CLSTN2: variants seen among roughly 807,000 people sequenced by gnomAD.
CLSTN2 encodes the protein calsyntenin 2.
CLSTN2 carries 48 observed loss-of-function variants against 101.2 expected under a neutral mutation model. That is an observed-to-expected ratio of 0.47 (90% CI 0.38 to 0.60). The LOEUF (loss-of-function observed/expected upper bound fraction) is 0.60. Ranked by LOEUF, CLSTN2 falls within the 20% of genes least tolerant of loss-of-function variation. The pLI, the probability that CLSTN2 is intolerant of heterozygous loss-of-function variation, is 0.00. For synonymous variants in CLSTN2, 481 were observed against 463.6 expected (o/e 1.04, Z -0.48); for missense variants, 1,160 against 1,238.2 (o/e 0.94, Z 0.95).
chr3:140,521,204 G>C (rs1403101237), intron 8 of CLSTN2, among the ~76,000 whole-genome samples: 1 of 152,130 alleles, frequency 6.6e-6, no homozygotes, highest in Non-Finnish European at 1.5e-5. Context: ...ATTTGGAGGA[G>C]AGGAGGCACT....
chr3:140,157,704 T>C (rs961790471), intron 1 of CLSTN2, among the ~76,000 whole-genome samples: 9 of 141,188 alleles, frequency 6.4e-5, no homozygotes, highest in Non-Finnish European at 1.1e-4. Flanking sequence ...CATTGATTGT[T>C]TGTATGGATT....
At chr3:140,085,598 G>C (rs549390473) in intron 1 of CLSTN2, among the ~76,000 whole-genome samples, 3 of 152,206 alleles carry the variant, frequency 2.0e-5, no homozygotes, top group African/African-American at 7.2e-5. Flanking sequence ...AACTAGTTGT[G>C]TATGGCTGGG....
intron 1 of CLSTN2, among the ~76,000 whole-genome samples, chr3:140,085,078 A>G (rs2008658539): frequency 6.6e-6 from 1 of 152,232 alleles, no homozygotes; most frequent in Non-Finnish European, 1.5e-5. Flanking sequence ...GGATTGTCAG[A>G]TATTTCGATT....
intron 2 of CLSTN2, among the ~76,000 whole-genome samples, chr3:140,402,734 C>G (rs1559859545): frequency 1.3e-5 from 2 of 152,202 alleles, no homozygotes; most frequent in Admixed American, 6.5e-5. Context: ...GTAGATGCCT[C>G]CCACCCCACC....
At chr3:140,237,163 A>G (rs1415174338) in intron 2 of CLSTN2, among the ~76,000 whole-genome samples, 1 of 152,136 alleles carries the variant, frequency 6.6e-6, no homozygotes, top group African/African-American at 2.4e-5. Flanking sequence ...ATGCACTTAA[A>G]TTATTTGGAA....
At chr3:140,024,983 A>G (rs2007388928) in intron 1 of CLSTN2, among the ~76,000 whole-genome samples, 2 of 152,248 alleles carry the variant, frequency 1.3e-5, no homozygotes, top group Admixed American at 6.5e-5. Context: ...TTTGAACTAG[A>G]CCAAGAATTT....
chr3:140,290,414 AGG>A (rs934070222), intron 2 of CLSTN2, among the ~76,000 whole-genome samples: 17 of 152,164 alleles, frequency 1.1e-4, no homozygotes, highest in Non-Finnish European at 2.5e-4. Flanking sequence ...AGCATTAGGA[AGG>A]GGTTCATTGA....
Position 140,209,439 on chromosome 3 carries a change from G to GTGCGAGATAGC in CLSTN2, c.232+33378_232+33388dup, listed in dbSNP as rs550527566. 1.6e-4 allele frequency among the ~76,000 whole-genome samples: 24 copies of GTGCGAGATAGC among 152,228 alleles called. No homozygotes were observed. In the East Asian group the frequency reaches 4.1e-3, roughly 26 times the overall value. ...TTTTTAAAAAATTTCCATTTCATTG[G>GTGCGAGATAGC]TGCGAGATAGCTGCGAGATAGCACT... On this transcript the variant is annotated intron_variant, in intron 2 of 16. Coordinates refer to ENST00000458420, the MANE Select transcript of CLSTN2 (RefSeq NM_022131.3).
At chr3:140,137,616 T>G (rs1280024990) in intron 1 of CLSTN2, among the ~76,000 whole-genome samples, 3 of 152,220 alleles carry the variant, frequency 2.0e-5, no homozygotes, top group Admixed American at 6.5e-5. Flanking sequence ...GAGATTTGAA[T>G]GTGTTTGGCA....
intron 1 of CLSTN2, among the ~76,000 whole-genome samples, chr3:140,144,473 G>T (rs140714308): frequency 6.6e-6 from 1 of 151,966 alleles, no homozygotes; most frequent in African/African-American, 2.4e-5. Context: ...AAAATTAGCC[G>T]GGCATGGTGG....
intron 1 of CLSTN2, among the ~76,000 whole-genome samples, chr3:140,134,486 C>A (rs2009569995): frequency 6.6e-6 from 1 of 152,110 alleles, no homozygotes; most frequent in African/African-American, 2.4e-5. Flanking sequence ...GCTCATAAGG[C>A]CCTCCAAGCA....
At chr3:140,018,283 TGATGCTTCTTTATATGA>T (rs755230068) in intron 1 of CLSTN2, among the ~76,000 whole-genome samples, 1 of 152,224 alleles carries the variant, frequency 6.6e-6, no homozygotes, top group Non-Finnish European at 1.5e-5. Flanking sequence ...AGTTGTAATG[TGATGCTTCTTTATATGA>T]GTGCTCAGGC....
At chr3:140,533,882 A>G (rs1349716553) in intron 9 of CLSTN2, among the ~76,000 whole-genome samples, 1 of 152,184 alleles carries the variant, frequency 6.6e-6, no homozygotes, top group Non-Finnish European at 1.5e-5. Context: ...CTAGAGATTC[A>G]AAACCCAGGA....
intron 1 of CLSTN2, among the ~76,000 whole-genome samples, chr3:140,085,247 A>C (rs1214591232): frequency 6.6e-6 from 1 of 152,244 alleles, no homozygotes; most frequent in Non-Finnish European, 1.5e-5. Context: ...TGCTGCACTG[A>C]AAGAAAGATG....
At chr3:140,563,021 G>A in intron 14 of CLSTN2, 59 bp from the exon 15 acceptor site, 2 of 1,611,730 alleles carry the variant, frequency 1.2e-6, no homozygotes, top group Non-Finnish European at 1.7e-6. Flanking sequence ...ATTCAGAAAT[G>A]CTGTAACTGG....
At chr3:140,119,387 A>G (rs2009301646) in intron 1 of CLSTN2, among the ~76,000 whole-genome samples, 1 of 152,244 alleles carries the variant, frequency 6.6e-6, no homozygotes, top group Admixed American at 6.5e-5. Flanking sequence ...GCTAAGATGT[A>G]CAGACAAGAC....
At chr3:140,368,596 C>T (rs936905633) in intron 2 of CLSTN2, among the ~76,000 whole-genome samples, 1 of 152,176 alleles carries the variant, frequency 6.6e-6, no homozygotes, top group African/African-American at 2.4e-5. Flanking sequence ...ACTCAAACCT[C>T]ACCATCATGA....
chr3:140,315,556 C>T (rs2087219985), intron 2 of CLSTN2, among the ~76,000 whole-genome samples: 1 of 152,166 alleles, frequency 6.6e-6, no homozygotes, highest in Non-Finnish European at 1.5e-5. Context: ...GGCTTTTCTG[C>T]CTTCCACGTG....
intron 1 of CLSTN2, among the ~76,000 whole-genome samples, chr3:139,995,485 C>T (rs1936186853): frequency 6.6e-6 from 1 of 152,162 alleles, no homozygotes; most frequent in East Asian, 1.9e-4. Flanking sequence ...GCAGTCTTTT[C>T]TCCTCTCCCC....
Sources: allele counts gnomAD v4.1 joint callset (sites outside exome capture counted in the v4.1 genomes callset), GRCh38; gene constraint gnomAD v4.1.1; transcripts MANE v1.5; gene names NCBI Gene and HGNC (gene_info 2026-07-23, HGNC 2026-07-21).